MMP26: variants seen among roughly 807,000 people sequenced by gnomAD.
The protein encoded by MMP26 is matrix metallopeptidase 26, also known as matrix metalloproteinase-26.
MMP26 carries 33 observed loss-of-function variants against 31.0 expected under a neutral mutation model. That is an observed-to-expected ratio of 1.06 (90% CI 0.81 to 1.42). The LOEUF (loss-of-function observed/expected upper bound fraction) is 1.42. MMP26 is among the 40% of genes most tolerant of loss of function. MMP26 has a pLI of 0.00. For missense variants in MMP26, 347 were observed against 316.1 expected, an observed-to-expected ratio of 1.10 and a Z score of -0.74; for synonymous variants, 122 against 114.9, an observed-to-expected ratio of 1.06 and a Z score of -0.40.
intron 2 of MMP26, among the ~76,000 whole-genome samples, chr11:4,793,046 T>C (rs1469613391): frequency 6.6e-6 from 1 of 152,230 alleles, no homozygotes. Flanking sequence ...ATCTTACTGA[T>C]AATTAAACCC....
intron 2 of MMP26, among the ~76,000 whole-genome samples, chr11:4,942,592 C>CTAT (rs1282669514): frequency 6.6e-6 from 1 of 151,976 alleles, no homozygotes; most frequent in Non-Finnish European, 1.5e-5. Context: ...TAATGATTGG[C>CTAT]TATTATATTT....
At chr11:4,946,680 C>A in intron 2 of MMP26, 1 of 1,591,700 alleles carries the variant, frequency 6.3e-7, no homozygotes, top group Non-Finnish European at 8.6e-7. Flanking sequence ...GCAACTCTGA[C>A]AGTTGTCAGG....
At chr11:4,723,311 G>C in intron 1 of MMP26, 1 of 1,002,478 alleles carries the variant, frequency 1.0e-6, no homozygotes, top group Non-Finnish European at 1.6e-6. Context: ...TTCCCAGCCA[G>C]CATCTGCAGC....
intron 2 of MMP26, among the ~76,000 whole-genome samples, chr11:4,941,523 A>T (rs1846205603): frequency 6.6e-6 from 1 of 152,200 alleles, no homozygotes; most frequent in African/African-American, 2.4e-5. Context: ...CAAATAAATT[A>T]TCTGAAGAGT....
intron 2 of MMP26, among the ~76,000 whole-genome samples, chr11:4,781,607 A>C (rs1164865956): frequency 1.4e-5 from 2 of 140,820 alleles, no homozygotes; most frequent in East Asian, 2.2e-4. Context: ...AAAAAAAAAA[A>C]CTGATTGCAT....
In MMP26 at chr11:4,981,646, A is replaced by C. The variant is rs558000486; in HGVS notation, c.-144-6422A>C. Among the ~76,000 whole-genome samples the C allele has an allele frequency of 2.7e-5, 4 of 149,150 alleles. No individual in the cohort carries two copies. The East Asian group carries it at 7.7e-4, about 29-fold the overall frequency. On this transcript the variant is annotated intron_variant, in intron 2 of 7. Coordinates refer to ENST00000380390, the MANE Select transcript of MMP26 (RefSeq NM_021801.5). ...CCTAAATTTAGCTTAAAACTTTCTT[A>C]TTTAATAATAAATTAACCTATCTTC...
intron 2 of MMP26, chr11:4,803,462 T>C: frequency 6.2e-7 from 1 of 1,611,024 alleles, no homozygotes; most frequent in Non-Finnish European, 8.5e-7. Flanking sequence ...CATCCTTGGA[T>C]AACCCTGTCC....
At chr11:4,738,846 T>TTA (rs1297635973) in intron 1 of MMP26, among the ~76,000 whole-genome samples, 3 of 152,150 alleles carry the variant, frequency 2.0e-5, no homozygotes, top group Non-Finnish European at 4.4e-5. Context: ...TTATCATACA[T>TTA]TATATATATG....
At chr11:4,730,047 C>T (rs1221740647) in intron 1 of MMP26, among the ~76,000 whole-genome samples, 5 of 151,434 alleles carry the variant, frequency 3.3e-5, no homozygotes, top group Admixed American at 6.6e-5. Context: ...TCTTTAAGCC[C>T]GCTAAACTAA....
At chr11:4,731,740 G>A (rs946182725) in intron 1 of MMP26, among the ~76,000 whole-genome samples, 1 of 152,068 alleles carries the variant, frequency 6.6e-6, no homozygotes, top group Admixed American at 6.5e-5. Flanking sequence ...TCATACATGT[G>A]GCTATTTCCT....
chr11:4,809,574 T>G (rs12801465), intron 2 of MMP26, among the ~76,000 whole-genome samples: 14,113 of 152,248 alleles, frequency 0.093, 885 homozygotes, highest in Middle Eastern at 0.17. Flanking sequence ...AGGAATAGCT[T>G]CTAGGAAGCT....
intron 1 of MMP26, chr11:4,709,427 A>T (rs1847827558): frequency 2.9e-6 from 1 of 341,154 alleles, no homozygotes; most frequent in African/African-American, 2.1e-5. Flanking sequence ...GTAAGTGGCT[A>T]TGCATTTTCA....
chr11:4,800,879 AGGTCCC>A (rs1849172040), intron 2 of MMP26, among the ~76,000 whole-genome samples: 1 of 118,982 alleles, frequency 8.4e-6, no homozygotes, highest in Non-Finnish European at 1.6e-5. Flanking sequence ...AAACTTTCAT[AGGTCCC>A]TAGGACATGG....
chr11:4,763,756 A>G (rs907145350), intron 1 of MMP26, among the ~76,000 whole-genome samples: 6 of 152,230 alleles, frequency 3.9e-5, no homozygotes, highest in Non-Finnish European at 8.8e-5. Context: ...GTAAGGAAAC[A>G]CAGACAAGCT....
At chr11:4,780,747 A>G (rs1337087745) in intron 2 of MMP26, among the ~76,000 whole-genome samples, 2 of 152,154 alleles carry the variant, frequency 1.3e-5, no homozygotes, top group Non-Finnish European at 2.9e-5. Flanking sequence ...ATTTTTTTGC[A>G]AAGTACTGAA....
At chr11:4,808,183 A>G (rs1156683997) in intron 2 of MMP26, among the ~76,000 whole-genome samples, 96 of 152,160 alleles carry the variant, frequency 6.3e-4, no homozygotes, top group Non-Finnish European at 8.4e-4. Context: ...CAGACTAGTT[A>G]TGTGATCTGC....
chr11:4,851,715 T>C (rs1193420377), intron 2 of MMP26, among the ~76,000 whole-genome samples: 1 of 151,974 alleles, frequency 6.6e-6, no homozygotes, highest in African/African-American at 2.4e-5. Context: ...AACAAAACTT[T>C]TGAATTTTAC....
At position 4,914,720 on chromosome 11, in the gene MMP26, T is replaced by C. The variant is rs1427661758; in HGVS notation, c.-144-73348T>C. 2.5e-6 allele frequency: 4 copies of C among 1,605,098 alleles called. No homozygotes were observed. In the South Asian group the frequency reaches 4.4e-5, roughly 18 times the overall value. On this transcript the variant is annotated intron_variant, in intron 2 of 7. Coordinates refer to ENST00000380390, the MANE Select transcript of MMP26 (RefSeq NM_021801.5). ...CAGTGGCTCTAACACTAGACACAGT[T>C]AGTAACAAAAGGCATGCGTCACTCG...
At chr11:4,975,619 T>C (rs1846726492) in intron 2 of MMP26, among the ~76,000 whole-genome samples, 1 of 152,086 alleles carries the variant, frequency 6.6e-6, no homozygotes, top group Non-Finnish European at 1.5e-5. Context: ...TTGAGAAGAA[T>C]GTGCACCTTT....
Sources: gnomAD v4.1 joint callset for allele counts (sites outside exome capture counted in the v4.1 genomes callset) on GRCh38, gnomAD v4.1.1 for gene constraint, MANE v1.5 for transcripts, NCBI Gene and HGNC (gene_info 2026-07-23, HGNC 2026-07-21) for gene names.